Variants in CTNNA2 observed in about 807,000 individuals in gnomAD.
CTNNA2 encodes catenin alpha-2.
A neutral mutation model predicts 101.0 loss-of-function variants in CTNNA2; 42 were observed. That is an observed-to-expected ratio of 0.42 (90% confidence interval 0.32 to 0.54). The LOEUF is 0.54. Ranked by LOEUF, CTNNA2 falls within the 20% of genes least tolerant of loss-of-function variation. The pLI, the probability that CTNNA2 is intolerant of heterozygous loss-of-function variation, is 0.14. For synonymous variants in CTNNA2, 450 were observed against 456.4 expected (o/e 0.99, Z 0.18); for missense variants, 871 against 1,223.1 (o/e 0.71, Z 4.29).
chr2:80,065,798 A>T (rs544309589), intron 7 of CTNNA2, among the ~76,000 whole-genome samples: 1 of 152,286 alleles, frequency 6.6e-6, no homozygotes, highest in East Asian at 1.9e-4. Flanking sequence ...CATTATCATC[A>T]TTCTAGAAAA....
chr2:79,824,948 A>G (rs1678303347), intron 3 of CTNNA2, among the ~76,000 whole-genome samples: 1 of 152,136 alleles, frequency 6.6e-6, no homozygotes, highest in East Asian at 1.9e-4. Context: ...CCCAGCACTT[A>G]GGGAAGCTGA....
At chr2:79,811,022 T>C (rs1165656762) in intron 3 of CTNNA2, among the ~76,000 whole-genome samples, 4 of 151,270 alleles carry the variant, frequency 2.6e-5, no homozygotes, top group African/African-American at 4.9e-5. Context: ...GCATGATTTA[T>C]AATCCTTTGG....
chr2:79,318,766 A>G (rs1676553191), intron 3 of CTNNA2, among the ~76,000 whole-genome samples: 1 of 152,216 alleles, frequency 6.6e-6, no homozygotes, highest in Non-Finnish European at 1.5e-5. Context: ...TCTTGCTACA[A>G]CAGAGTGGAT....
At chr2:80,175,263 C>T (rs572526682) in intron 7 of CTNNA2, among the ~76,000 whole-genome samples, 2 of 152,192 alleles carry the variant, frequency 1.3e-5, no homozygotes, top group Non-Finnish European at 2.9e-5. Context: ...TATCAGCTCC[C>T]ATTGCACCTT....
chr2:80,080,896 T>A (rs2148802278), intron 7 of CTNNA2, among the ~76,000 whole-genome samples: 1 of 141,514 alleles, frequency 7.1e-6, no homozygotes, highest in South Asian at 2.2e-4. Flanking sequence ...AGTCTAGTTG[T>A]GAAATAAACT....
At chr2:80,362,650 C>T (rs946803534) in intron 7 of CTNNA2, among the ~76,000 whole-genome samples, 3 of 125,106 alleles carry the variant, frequency 2.4e-5, no homozygotes, top group African/African-American at 6.9e-5. Context: ...AAAAGAGTCT[C>T]TCTCTACAAG....
chr2:79,681,653 CTTG>C (rs1683571055), intron 2 of CTNNA2, among the ~76,000 whole-genome samples: 1 of 152,302 alleles, frequency 6.6e-6, no homozygotes, highest in Admixed American at 6.5e-5. Flanking sequence ...GCCCAAATTT[CTTG>C]TTATTTCAAA....
At chr2:79,664,454 G>C (rs987066506) in intron 2 of CTNNA2, among the ~76,000 whole-genome samples, 1 of 152,128 alleles carries the variant, frequency 6.6e-6, no homozygotes, top group South Asian at 2.1e-4. Flanking sequence ...TATCACTTTT[G>C]TGCCACTTAG....
At chr2:79,744,757 T>A (rs2104993085) in intron 3 of CTNNA2, among the ~76,000 whole-genome samples, 175 bp downstream of exon 3, 1 of 152,332 alleles carries the variant, frequency 6.6e-6, no homozygotes, top group East Asian at 1.9e-4. Flanking sequence ...ATATTTTCAT[T>A]GTTGCAGTAT....
intron 9 of CTNNA2, among the ~76,000 whole-genome samples, chr2:80,510,135 A>G (rs1325678708): frequency 6.6e-6 from 1 of 152,212 alleles, no homozygotes; most frequent in Non-Finnish European, 1.5e-5. Context: ...TGAATTCAGT[A>G]TCTCCCTGTT....
chr2:80,283,153 T>C (rs1674514814), intron 7 of CTNNA2, among the ~76,000 whole-genome samples: 1 of 151,938 alleles, frequency 6.6e-6, no homozygotes, highest in Admixed American at 6.6e-5. Flanking sequence ...TCAAATAAAT[T>C]GCAAGAGGGG....
chr2:79,868,220 A>G (rs1381100620), intron 4 of CTNNA2, among the ~76,000 whole-genome samples: 2 of 152,156 alleles, frequency 1.3e-5, no homozygotes, highest in Non-Finnish European at 2.9e-5. Context: ...TAGGGAAAAA[A>G]AGAAGACGCA....
intron 7 of CTNNA2, among the ~76,000 whole-genome samples, chr2:80,275,755 C>T (rs535801483): frequency 2.4e-4 from 37 of 151,828 alleles, no homozygotes; most frequent in Non-Finnish European, 4.4e-4. Context: ...AACTTCCAAA[C>T]GGAAAAATAA....
chr2:79,315,831 A>G (rs974658514), intron 3 of CTNNA2, among the ~76,000 whole-genome samples: 26 of 152,154 alleles, frequency 1.7e-4, no homozygotes, highest in Admixed American at 5.2e-4. Flanking sequence ...AGGAACTGTC[A>G]AACTATTTTC....
chr2:80,081,749 CTT>C lies in CTNNA2; in HGVS notation c.1056+171953_1056+171954del, dbSNP rs563134888. On this transcript the variant is annotated intron_variant, in intron 7 of 18. Coordinates refer to ENST00000402739, the MANE Select transcript of CTNNA2 (RefSeq NM_001282597.3). ...TAAGACAATCTCTCTCTCTCTCTCT[CTT>C]GCTCTCTTTCTCTATTTCTGTGTGT... Among the ~76,000 whole-genome samples the C allele has an allele frequency of 1.5e-4, 22 of 149,376 alleles. No homozygotes were observed. The South Asian group carries it at 2.6e-3, about 18-fold the overall frequency.
Position 80,048,139 on chromosome 2 carries a change from A to G in CTNNA2, c.1056+138342A>G, listed in dbSNP as rs1185314814. Among the ~76,000 whole-genome samples the G allele has an allele frequency of 2.6e-5, 4 of 152,210 alleles. No homozygotes were observed. The East Asian group carries it at 7.7e-4, about 29-fold the overall frequency. On this transcript the variant is annotated intron_variant, in intron 7 of 18. Coordinates refer to ENST00000402739, the MANE Select transcript of CTNNA2 (RefSeq NM_001282597.3). ...TTTAACAAATTAAACAACAACAACA[A>G]CAACAACAGAGTATCCAGTTAAATT...
intron 2 of CTNNA2, among the ~76,000 whole-genome samples, chr2:79,677,828 T>C (rs1467075296): frequency 2.0e-5 from 3 of 152,142 alleles, no homozygotes; most frequent in African/African-American, 7.2e-5. Context: ...AAAAAATAAA[T>C]TTAAAAGGTG....
At chr2:80,424,143 A>G (rs916017457) in intron 9 of CTNNA2, among the ~76,000 whole-genome samples, 1 of 152,038 alleles carries the variant, frequency 6.6e-6, no homozygotes, top group Admixed American at 6.5e-5. Flanking sequence ...TTTAGTAGAG[A>G]CGGGGTTTCA....
At chr2:80,094,108 A>G (rs1292231395) in intron 7 of CTNNA2, among the ~76,000 whole-genome samples, 2 of 152,154 alleles carry the variant, frequency 1.3e-5, no homozygotes, top group African/African-American at 2.4e-5. Context: ...GGTATTGCCT[A>G]GGTTTTCTTG....
Sources: allele counts gnomAD v4.1 joint callset (sites outside exome capture counted in the v4.1 genomes callset), GRCh38; gene constraint gnomAD v4.1.1; transcripts MANE v1.5; gene names NCBI Gene and HGNC (gene_info 2026-07-23, HGNC 2026-07-21).